ZNF248: variants seen among roughly 807,000 people sequenced by gnomAD.
ZNF248 encodes the protein zinc finger protein 248, also known as KRAB protein domain.
A neutral mutation model predicts 44.3 loss-of-function variants in ZNF248; 20 were observed. The ratio of observed to expected loss-of-function variants is 0.45; its 90% CI spans 0.32 to 0.66. The LOEUF (loss-of-function observed/expected upper bound fraction) is 0.66, where lower values mean the gene tolerates loss of function less well. Among genes scored for constraint, ZNF248 ranks in the 30% least tolerant of loss-of-function variants. The pLI is 0.04. For synonymous variants in ZNF248, 224 were observed against 229.0 expected (o/e 0.98, Z 0.20); for missense variants, 654 against 677.0 (o/e 0.97, Z 0.38).
At chr10:37,763,675 A>G in the ZNF248 span, among the ~76,000 whole-genome samples, 1 of 152,240 alleles carries the variant, frequency 6.6e-6, no homozygotes, top group African/African-American at 2.4e-5. Flanking sequence ...AAAAAAGTAG[A>G]AGACAGAAAA....
At chr10:37,824,218 A>G (rs2053980801), downstream of ZNF248, among the ~76,000 whole-genome samples, 1 of 152,196 alleles carries the variant, frequency 6.6e-6, no homozygotes, top group Non-Finnish European at 1.5e-5. Flanking sequence ...TCCAGTTTGA[A>G]GGTCACTGGT....
intron 6 of ZNF248, among the ~76,000 whole-genome samples, chr10:37,782,616 T>C (rs2047437992): frequency 6.6e-6 from 1 of 152,136 alleles, no homozygotes; most frequent in Non-Finnish European, 1.5e-5. Context: ...GTGGATTAAG[T>C]AGGCCCTTTT....
chr10:37,772,692 A>C (rs989150599), downstream of ZNF248, among the ~76,000 whole-genome samples: 1 of 152,246 alleles, frequency 6.6e-6, no homozygotes, highest in Non-Finnish European at 1.5e-5. Flanking sequence ...TTAGACATGG[A>C]GAATCCCTTT....
At chr10:37,822,351 T>C (rs745930655) in intron 6 of ZNF248, among the ~76,000 whole-genome samples, 6 of 152,156 alleles carry the variant, frequency 3.9e-5, no homozygotes, top group Non-Finnish European at 5.9e-5. Flanking sequence ...GTCATCTCCA[T>C]GACTGTTTTC....
rs2055527883 is a variant in ZNF248 at position 37,831,192 on chromosome 10, C to T, written c.*423G>A. On this transcript the variant is annotated 3_prime_UTR_variant, in exon 6 of 6. Transcript: ENST00000395867. Reference sequence around the variant, plus strand: ...TATGATCATGTTGAGTTCCAATATACAAATCAAGCATACTCAAATTTATAT... The same window carrying T: ...TATGATCATGTTGAGTTCCAATATATAAATCAAGCATACTCAAATTTATAT... The T allele has an allele frequency of 3.2e-6, 5 of 1,539,742 alleles. No individual in the cohort carries two copies. The highest frequency in any genetic ancestry group is 4.4e-6 in the Non-Finnish European group (5 of 1,141,284).
intron 3 of ZNF248, among the ~76,000 whole-genome samples, chr10:37,844,317 G>T (rs2058892939): frequency 6.6e-6 from 1 of 152,136 alleles, no homozygotes. Context: ...TAAAAGCCAA[G>T]AGAACTCATT....
the ZNF248 span, among the ~76,000 whole-genome samples, chr10:37,770,306 G>T: frequency 6.6e-6 from 1 of 152,098 alleles, no homozygotes; most frequent in Non-Finnish European, 1.5e-5. Flanking sequence ...AAAAGAGCCC[G>T]CATCGCCAAG....
intron 6 of ZNF248, among the ~76,000 whole-genome samples, chr10:37,807,605 C>G (rs1171860285): frequency 6.6e-6 from 1 of 152,142 alleles, no homozygotes; most frequent in Non-Finnish European, 1.5e-5. Context: ...TGCATTTCAG[C>G]AACATTTTGT....
intron 6 of ZNF248, among the ~76,000 whole-genome samples, chr10:37,777,798 T>C (rs1480976032): frequency 6.6e-6 from 1 of 151,726 alleles, no homozygotes; most frequent in African/African-American, 2.4e-5. Flanking sequence ...TGGTTTTTTG[T>C]TCTTGCGATA....
At position 37,820,241 on chromosome 10, in the gene ZNF248, G is replaced by T. The variant is rs915893312; in HGVS notation, c.330+12784C>A. ...ACTGGGTCTGTCTGTGCCAGATGGA[G>T]ATCTGTTTTTGGGAGCTGCAGAAAT... is the stretch of plus-strand genomic sequence containing the variant. On this transcript the variant is annotated intron_variant, in intron 6 of 6. Coordinates refer to the ZNF248 transcript ENST00000615949. The T allele has an allele frequency of 5.2e-6, 7 of 1,342,870 alleles. No individual in the cohort carries two copies. The African/African-American group carries it at 8.6e-5, about 17-fold the overall frequency. The allele number at this position is 1,342,870 out of a possible 1,614,324, so 83.2% of individuals were successfully genotyped here. A position where few individuals can be genotyped will look rare whatever the true frequency, so the allele number is the denominator to read the frequency against.
chr10:37,771,126 G>A, the ZNF248 span, among the ~76,000 whole-genome samples: 4 of 152,158 alleles, frequency 2.6e-5, no homozygotes, highest in African/African-American at 9.7e-5. Flanking sequence ...GAAACAACAG[G>A]TGCTGGAGAA....
At chr10:37,800,770 T>C (rs2049713907) in intron 6 of ZNF248, among the ~76,000 whole-genome samples, 1 of 151,884 alleles carries the variant, frequency 6.6e-6, no homozygotes, top group Non-Finnish European at 1.5e-5. Context: ...TTTTTTCTTT[T>C]TTTTTTTTTG....
At chr10:37,769,920 C>T in the ZNF248 span, among the ~76,000 whole-genome samples, 7 of 152,172 alleles carry the variant, frequency 4.6e-5, no homozygotes, top group Non-Finnish European at 7.4e-5. Context: ...GCAACTTCAG[C>T]AAGGTCTCAG....
downstream of ZNF248, among the ~76,000 whole-genome samples, chr10:37,827,680 A>G (rs2054600720): frequency 6.6e-6 from 1 of 152,124 alleles, no homozygotes; most frequent in African/African-American, 2.4e-5. Flanking sequence ...GGGAATAGGT[A>G]AGTCTTCCTC....
the ZNF248 span, among the ~76,000 whole-genome samples, chr10:37,762,783 A>G: frequency 2.0e-5 from 3 of 152,204 alleles, no homozygotes; most frequent in African/African-American, 7.2e-5. Context: ...CCATGTAGAC[A>G]TTTCAAGATA....
chr10:37,843,805 C>T (rs1396435559), intron 3 of ZNF248, among the ~76,000 whole-genome samples: 1 of 151,956 alleles, frequency 6.6e-6, no homozygotes, highest in African/African-American at 2.4e-5. Context: ...CCCATTTGAA[C>T]AGACAGCTGA....
the ZNF248 span, among the ~76,000 whole-genome samples, chr10:37,759,565 A>G: frequency 6.6e-6 from 1 of 152,248 alleles, no homozygotes; most frequent in African/African-American, 2.4e-5. Context: ...GCCTTAATCC[A>G]TTCATCTCTG....
At chr10:37,765,197 T>C in the ZNF248 span, among the ~76,000 whole-genome samples, 5,235 of 152,228 alleles carry the variant, frequency 0.034, 136 homozygotes, top group Non-Finnish European at 0.054. Context: ...CCTCAGGTGA[T>C]CTGCCCACCT....
the ZNF248 span, among the ~76,000 whole-genome samples, chr10:37,763,374 G>C: frequency 6.6e-6 from 1 of 152,222 alleles, no homozygotes; most frequent in African/African-American, 2.4e-5. Flanking sequence ...GCTCCAGCGA[G>C]TGATCTCCCT....
Sources: gnomAD v4.1 joint callset for allele counts (sites outside exome capture counted in the v4.1 genomes callset) on GRCh38, gnomAD v4.1.1 for gene constraint, MANE v1.5 for transcripts, NCBI Gene and HGNC (gene_info 2026-07-23, HGNC 2026-07-21) for gene names.